TG: variants seen among roughly 807,000 people sequenced by gnomAD.
TG encodes thyroid hormones.
A neutral mutation model predicts 324.7 loss-of-function variants in TG; 270 were observed. The observed-to-expected ratio is 0.83, with a 90% CI of 0.75 to 0.92. The LOEUF (loss-of-function observed/expected upper bound fraction) is 0.92, where lower values mean the gene tolerates loss of function less well. Among genes scored for constraint, TG ranks in the 40% least tolerant of loss-of-function variants. The probability of loss-of-function intolerance (pLI) is 0.00; values close to 1 mark genes in which losing one functional copy is unlikely to be tolerated. For synonymous variants in TG, 1,401 were observed against 1,327.0 expected (o/e 1.06, Z -1.21); for missense variants, 3,591 against 3,456.4 (o/e 1.04, Z -0.98).
rs774542708 is a variant in TG at position 133,116,671 on chromosome 8, GA to G, written c.7820del (p.Asn2607ThrfsTer47). 6.2e-7 allele frequency: 1 copy of G among 1,614,264 alleles called. No homozygotes were observed. On this transcript the variant is annotated frameshift_variant, in exon 45 of 48. Transcript: ENST00000220616. LOFTEE classifies it high-confidence loss of function. ...AGTGCCTGGGCAAAGAGGGCCCGAG[GA>G]AACGTCTTCATGTACCATGCTCCTG... ...MASAWAKRAR[G>X]NVFMYHAPEN...
intron 37 of TG, 82 bp downstream of exon 37, chr8:133,013,846 A>G: frequency 6.5e-7 from 1 of 1,532,158 alleles, no homozygotes. Context: ...GGTGAGTTGG[A>G]GGACAGTGGC....
intron 2 of TG, among the ~76,000 whole-genome samples, chr8:132,869,508 G>A (rs2132033040): frequency 6.6e-6 from 1 of 152,334 alleles, no homozygotes; most frequent in South Asian, 2.1e-4. Context: ...GGTGGTGAAT[G>A]AATGGCTGGG....
intron 41 of TG, among the ~76,000 whole-genome samples, chr8:133,083,130 A>G (rs1167105510): frequency 1.3e-5 from 2 of 152,168 alleles, no homozygotes; most frequent in Non-Finnish European, 2.9e-5. Context: ...GGAAAATTTT[A>G]TTTTTGTTTG....
chr8:132,924,944 T>C (rs1821623326), intron 22 of TG, among the ~76,000 whole-genome samples: 1 of 152,178 alleles, frequency 6.6e-6, no homozygotes, highest in African/African-American at 2.4e-5. Context: ...AATCCTGATA[T>C]CTTCTCAATC....
In TG at chr8:132,982,728, C is replaced by T. The variant is rs1046003788; in HGVS notation, c.6200-622C>T. Among the ~76,000 whole-genome samples the T allele has an allele frequency of 2.0e-5, 3 of 152,158 alleles. No homozygotes were observed. The East Asian group carries it at 5.8e-4, about 29-fold the overall frequency. ...TATCTCCTGTAATTTTGTCATAATT[C>T]TCTAGGTGGGTAGTACTAAACTCAT... On this transcript the variant is annotated intron_variant, in intron 34 of 47. Coordinates refer to ENST00000220616, the MANE Select transcript of TG (RefSeq NM_003235.5).
chr8:132,869,865 C>T (rs1839320141), intron 3 of TG, 39 bp downstream of exon 3: 1 of 1,577,250 alleles, frequency 6.3e-7, no homozygotes, highest in Non-Finnish European at 8.7e-7. Flanking sequence ...AGGGACCCTG[C>T]TAGGACAACT....
intron 26 of TG, among the ~76,000 whole-genome samples, chr8:132,946,623 C>A (rs1440798737): frequency 2.0e-5 from 3 of 152,132 alleles, no homozygotes; most frequent in African/African-American, 7.2e-5. Context: ...CCCCTCCCAA[C>A]AAGTCTCTAG....
intron 35 of TG, chr8:133,001,892 T>G (rs1833544873): frequency 2.0e-6 from 2 of 985,350 alleles, no homozygotes; most frequent in Admixed American, 6.1e-5. Flanking sequence ...ATTTCCCAGC[T>G]ATTCCATATT....
At chr8:132,980,049 CA>C (rs1830631632) in intron 34 of TG, among the ~76,000 whole-genome samples, 1 of 152,092 alleles carries the variant, frequency 6.6e-6, no homozygotes, top group South Asian at 2.1e-4. Flanking sequence ...AACTCAGAAA[CA>C]GCCAAAAGGA....
At chr8:133,003,522 C>A (rs1318475777) in intron 35 of TG, among the ~76,000 whole-genome samples, 1 of 151,730 alleles carries the variant, frequency 6.6e-6, no homozygotes, top group Non-Finnish European at 1.5e-5. Context: ...TCAAAAAGTA[C>A]TCCTCTGCAT....
intron 43 of TG, among the ~76,000 whole-genome samples, chr8:133,103,442 G>A (rs73708853): frequency 0.027 from 4,111 of 152,226 alleles, 180 homozygotes; most frequent in African/African-American, 0.095. Flanking sequence ...TTCTCCCCAG[G>A]GGCCCTGTGA....
At chr8:133,117,907 C>G (rs534227816) in intron 45 of TG, among the ~76,000 whole-genome samples, 1 of 152,296 alleles carries the variant, frequency 6.6e-6, no homozygotes, top group South Asian at 2.1e-4. Context: ...CTTTGTCTCT[C>G]TGATCTTCAA....
In TG at chr8:133,057,781, A is replaced by C. The variant is rs10087332; in HGVS notation, c.7239+27758A>C. 7.6e-3 allele frequency among the ~76,000 whole-genome samples: 1,161 copies of C among 152,004 alleles called. 19 individuals are homozygous for C. The highest frequency in any genetic ancestry group is 0.024 in the African/African-American group (985 of 41,440). ...GTTTAGCAAAACAAAAAACAAAAAA[A>C]AAAAAACAAAAAAACAGATGGGTAA... On this transcript the variant is annotated intron_variant, in intron 41 of 47. Coordinates refer to ENST00000220616, the MANE Select transcript of TG (RefSeq NM_003235.5).
Position 133,096,314 on chromosome 8 carries a change from G to A in TG, c.7513G>A (p.Asp2505Asn), listed in dbSNP as rs1442788021. 5 of 1,614,060 alleles carry A rather than the reference G, an allele frequency of 3.1e-6. No individual in the cohort carries two copies. Among genetic ancestry groups the A allele is most frequent in the Non-Finnish European group, 4.2e-6 (5 of 1,180,040 alleles). ...ALKRSLWVEVDLLIGSSQDDG... is the reference protein window; with the variant it reads ...ALKRSLWVEVNLLIGSSQDDG... ...GAAGAGGTCTTTATGGGTAGAGGTC[G>A]ATCTGCTCATTGGGAGTTCTCAGGA... The change falls in exon 43 of 48, where the codon GAT becomes AAT. Residue 2505 changes from aspartate (D) to asparagine (N), a missense_variant. Physicochemically the swap from Asp to Asn is conservative, Grantham distance 23. Transcript: ENST00000220616.
At chr8:133,083,590 A>C (rs1224030485) in intron 41 of TG, among the ~76,000 whole-genome samples, 2 of 152,194 alleles carry the variant, frequency 1.3e-5, no homozygotes, top group Admixed American at 1.3e-4. Context: ...ACAGATGAGG[A>C]AATGGAGACC....
intron 35 of TG, among the ~76,000 whole-genome samples, chr8:132,995,964 T>A (rs191539342): frequency 7.0e-4 from 107 of 152,286 alleles, no homozygotes; most frequent in African/African-American, 2.5e-3. Context: ...CTTTGGAAAC[T>A]TCTGCCTGCA....
intron 43 of TG, chr8:133,102,842 G>A: frequency 2.6e-6 from 1 of 387,718 alleles, no homozygotes. Flanking sequence ...CGCCTCCGCT[G>A]TGCCCCTAAG....
intron 21 of TG, among the ~76,000 whole-genome samples, chr8:132,921,425 A>G (rs1422945399): frequency 6.6e-6 from 1 of 152,208 alleles, no homozygotes; most frequent in African/African-American, 2.4e-5. Flanking sequence ...CTCTAGGATC[A>G]AGGTTGGAGT....
intron 14 of TG, 45 bp downstream of exon 14, chr8:132,898,955 C>T (rs1283544473): frequency 1.3e-6 from 2 of 1,513,128 alleles, no homozygotes; most frequent in Non-Finnish European, 1.8e-6. Flanking sequence ...CTTGTCCCCG[C>T]TGGTCAGAGA....
Sources: allele counts gnomAD v4.1 joint callset (sites outside exome capture counted in the v4.1 genomes callset), GRCh38; gene constraint gnomAD v4.1.1; transcripts MANE v1.5; gene names NCBI Gene and HGNC (gene_info 2026-07-23, HGNC 2026-07-21).